MLPH: variants seen among roughly 807,000 people sequenced by gnomAD.
MLPH encodes the protein melanophilin, also known as exophilin-3.
MLPH carries 51 observed loss-of-function variants against 72.1 expected under a neutral mutation model. The ratio of observed to expected loss-of-function variants is 0.71; its 90% CI spans 0.56 to 0.89. The LOEUF (loss-of-function observed/expected upper bound fraction) is 0.89. Ranked by LOEUF, MLPH falls within the 40% of genes least tolerant of loss-of-function variation. The pLI is 0.00. For synonymous variants in MLPH, 301 were observed against 310.1 expected (o/e 0.97, Z 0.31); for missense variants, 743 against 759.9 (o/e 0.98, Z 0.26).
At chr2:237,517,312 C>CGGAT (rs1280749152) in intron 4 of MLPH, among the ~76,000 whole-genome samples, 15 of 115,214 alleles carry the variant, frequency 1.3e-4, no homozygotes, top group Admixed American at 3.5e-4. Context: ...GATGGATGAA[C>CGGAT]GGATGGATGG....
chr2:237,519,612 G>T (rs1017583527), intron 5 of MLPH, among the ~76,000 whole-genome samples: 1 of 152,160 alleles, frequency 6.6e-6, no homozygotes, highest in Non-Finnish European at 1.5e-5. Context: ...CCTAGGCGGG[G>T]TCCCTGGGGC....
rs147813399 is a variant in MLPH at position 237,552,968 on chromosome 2, A to G, written c.1776+531A>G. On this transcript the variant is annotated intron_variant, in intron 15 of 15. Transcript: ENST00000264605. ...CACAACGAAAGCGCAGATTTATTGA[A>G]AAGAAAGTGCACTCCACAGAGTGGG... 6.7e-4 allele frequency: 256 copies of G among 382,504 alleles called. 1 individual carries two copies. The highest frequency in any genetic ancestry group is 5.0e-3 in the African/African-American group (237 of 46,974). The allele number at this position is 382,504 out of a possible 1,614,324, so 23.7% of individuals were successfully genotyped here.
intron 2 of MLPH, among the ~76,000 whole-genome samples, chr2:237,499,645 A>T (rs147068372): frequency 6.6e-6 from 1 of 152,390 alleles, no homozygotes; most frequent in East Asian, 1.9e-4. Flanking sequence ...TCAGCACCCA[A>T]TGAAAATAAT....
At position 237,527,186 on chromosome 2, in the gene MLPH, TCCTGAAGA is replaced by T; in HGVS notation, c.881-190_881-183del. The T allele has an allele frequency of 5.7e-6, 4 of 701,174 alleles. No individual in the cohort carries two copies. In the Admixed American group the frequency reaches 8.9e-5, roughly 16 times the overall value. 43.4% of individuals were successfully genotyped at this position (701,174 alleles called of 1,614,324 possible). On this transcript the variant is annotated intron_variant, in intron 7 of 15. Transcript: ENST00000264605. The stretch of plus-strand genomic sequence containing the variant: ...CAATGCCAGGCAAGGTCCTCTTTTT[TCCTGAAGA>T]TCTTTGTGTGTGGCTGTGGAATCTG...
At chr2:237,497,676 C>A (rs955948700) in intron 2 of MLPH, among the ~76,000 whole-genome samples, 1 of 150,398 alleles carries the variant, frequency 6.6e-6, no homozygotes, top group Non-Finnish European at 1.5e-5. Context: ...TACCAGAAAT[C>A]CATGATGAAA....
intron 1 of MLPH, among the ~76,000 whole-genome samples, chr2:237,491,920 G>A (rs114059276): frequency 0.017 from 2,543 of 152,170 alleles, 81 homozygotes; most frequent in African/African-American, 0.058. Flanking sequence ...TCTGTGACTC[G>A]CCGCCCACTA....
At chr2:237,502,992 G>A (rs1254278790) in intron 2 of MLPH, among the ~76,000 whole-genome samples, 5 of 152,082 alleles carry the variant, frequency 3.3e-5, no homozygotes, top group African/African-American at 4.8e-5. Context: ...GATGGCAGGC[G>A]CCTGTTGTCT....
chr2:237,525,833 G>T, intron 7 of MLPH, 28 bp downstream of exon 7: 2 of 1,602,454 alleles, frequency 1.2e-6, no homozygotes. Flanking sequence ...GGGTCTTCCT[G>T]ATGGGCTCGG....
At chr2:237,546,922 G>T (rs2080932435) in intron 13 of MLPH, among the ~76,000 whole-genome samples, 2 of 152,234 alleles carry the variant, frequency 1.3e-5, no homozygotes, top group Non-Finnish European at 2.9e-5. Flanking sequence ...AGAAAGCCCA[G>T]TAGGGGAGCG....
chr2:237,500,575 C>T (rs1443116396), intron 2 of MLPH, among the ~76,000 whole-genome samples: 2 of 152,212 alleles, frequency 1.3e-5, no homozygotes, highest in African/African-American at 2.4e-5. Context: ...GAGACACATC[C>T]TCTGAACTCT....
At chr2:237,494,661 G>C (rs1157617286) in intron 2 of MLPH, among the ~76,000 whole-genome samples, 1 of 152,158 alleles carries the variant, frequency 6.6e-6, no homozygotes, top group East Asian at 1.9e-4. Flanking sequence ...CAACTTCAAG[G>C]ACAGAGTTGA....
At chr2:237,553,198 A>G in intron 15 of MLPH, 1 of 486,032 alleles carries the variant, frequency 2.1e-6, no homozygotes, top group South Asian at 1.6e-5. Flanking sequence ...GCCGATGACC[A>G]GTCTGGTTGG....
At position 237,540,896 on chromosome 2, in the gene MLPH, T is replaced by C. The variant is rs538560359; in HGVS notation, c.1385T>C (p.Leu462Pro). 4.2e-5 allele frequency: 68 copies of C among 1,612,560 alleles called. No homozygotes were observed. Among genetic ancestry groups the C allele is most frequent in the Non-Finnish European group, 5.5e-5 (65 of 1,179,568 alleles). ...VQYNRTTDEE[L>P]SELEDRVAVT... ...TACAACAGGACCACAGATGAGGAGC[T>C]GTCAGAGCTGGAGGACAGAGTGGCA... The change falls in exon 11 of 16, where the codon CTG (leucine) becomes CCG (proline). Residue 462 changes from leucine (L) to proline (P), a missense_variant. By Grantham distance (98) the Leu-to-Pro change is moderately conservative. Coordinates refer to ENST00000264605, the MANE Select transcript of MLPH (RefSeq NM_024101.7).
At chr2:237,511,388 A>G in intron 4 of MLPH, 1 of 410,944 alleles carries the variant, frequency 2.4e-6, no homozygotes, top group Non-Finnish European at 4.6e-6. Context: ...CTGGGGTTAT[A>G]AGTGTGAGCC....
intron 9 of MLPH, chr2:237,537,441 C>T (rs2080559165): frequency 6.6e-6 from 1 of 152,300 alleles, no homozygotes; most frequent in South Asian, 2.1e-4. Flanking sequence ...TGCAGTTTCT[C>T]AGCCCCATGC....
chr2:237,525,831 C>T, intron 7 of MLPH, 26 bp downstream of exon 7: 1 of 1,603,712 alleles, frequency 6.2e-7, no homozygotes, highest in Non-Finnish European at 8.5e-7. Context: ...CAGGGTCTTC[C>T]TGATGGGCTC....
At position 237,511,116 on chromosome 2, in the gene MLPH, G is replaced by A. The variant is rs756888677; in HGVS notation, c.445+15G>A. 8.1e-6 allele frequency: 13 copies of A among 1,601,170 alleles called. No individual in the cohort carries two copies. Among genetic ancestry groups the A allele is most frequent in the Admixed American group, 1.7e-5 (1 of 60,004 alleles). On this transcript the variant is annotated intron_variant, in intron 4 of 15. Coordinates refer to ENST00000264605, the MANE Select transcript of MLPH (RefSeq NM_024101.7). ...GCAGGGTGGAGGTAAGGAGTGGAGA[G>A]TAAGAACGGCTTTTTGTTCCCAGGC...
chr2:237,521,068 G>A (rs1167091436), intron 6 of MLPH, among the ~76,000 whole-genome samples: 11 of 152,210 alleles, frequency 7.2e-5, no homozygotes, highest in Admixed American at 7.2e-4. Flanking sequence ...AATGAAGCAG[G>A]AATAATACTG....
chr2:237,516,012 C>T (rs1246043313), intron 4 of MLPH, among the ~76,000 whole-genome samples: 4 of 152,242 alleles, frequency 2.6e-5, no homozygotes, highest in South Asian at 2.1e-4. Context: ...GCCCTGCACC[C>T]GCAGTCCTGC....
Sources: allele counts gnomAD v4.1 joint callset (sites outside exome capture counted in the v4.1 genomes callset), GRCh38; gene constraint gnomAD v4.1.1; transcripts MANE v1.5; gene names NCBI Gene and HGNC (gene_info 2026-07-23, HGNC 2026-07-21).